PPP2R3A: variants seen among roughly 807,000 people sequenced by gnomAD.
The protein encoded by PPP2R3A is serine/threonine-protein phosphatase 2A regulatory subunit B'' subunit alpha.
In PPP2R3A, 80 loss-of-function variants were observed where a neutral mutation model predicts 106.9. The ratio of observed to expected loss-of-function variants is 0.75; its 90% CI spans 0.62 to 0.90. PPP2R3A has a LOEUF of 0.90. Among genes scored for constraint, PPP2R3A ranks in the 40% least tolerant of loss-of-function variants. The pLI is 0.00. For missense variants in PPP2R3A, 1,386 were observed against 1,350.4 expected (o/e 1.03, Z -0.41); for synonymous variants, 483 against 468.3 (o/e 1.03, Z -0.41).
chr3:136,043,414 G>A (rs1001086639), intron 4 of PPP2R3A, among the ~76,000 whole-genome samples: 8 of 152,164 alleles, frequency 5.3e-5, no homozygotes, highest in East Asian at 1.9e-4. Context: ...AGCCGAGATC[G>A]CGCCTCTGCA....
intron 1 of PPP2R3A, among the ~76,000 whole-genome samples, chr3:135,982,948 A>G (rs1006930972): frequency 6.6e-6 from 1 of 152,268 alleles, no homozygotes; most frequent in Admixed American, 6.5e-5. Flanking sequence ...TTTTACCTGC[A>G]TTTGTCTTAC....
chr3:136,141,541 A>G (rs368152663), intron 13 of PPP2R3A, among the ~76,000 whole-genome samples: 1 of 152,222 alleles, frequency 6.6e-6, no homozygotes, highest in African/African-American at 2.4e-5. Flanking sequence ...AGAAGTAGGG[A>G]GACAAATAAG....
At chr3:136,030,566 C>T (rs1934835407) in intron 3 of PPP2R3A, among the ~76,000 whole-genome samples, 1 of 151,808 alleles carries the variant, frequency 6.6e-6, no homozygotes, top group African/African-American at 2.4e-5. Context: ...CCCTTTACCC[C>T]TTAGTCCCCA....
chr3:136,004,716 A>G (rs1004236575), intron 2 of PPP2R3A, among the ~76,000 whole-genome samples: 2 of 152,168 alleles, frequency 1.3e-5, no homozygotes, highest in Non-Finnish European at 2.9e-5. Context: ...CACAAAATCC[A>G]ATGTTAATGG....
At chr3:136,079,405 AAT>A (rs1491199650) in intron 7 of PPP2R3A, 3 of 181,666 alleles carry the variant, frequency 1.7e-5, no homozygotes, top group Admixed American at 5.9e-5. Context: ...TATAATCCAT[AAT>A]TTTTTTTTTT....
chr3:136,013,871 C>T (rs1349241515), intron 2 of PPP2R3A, among the ~76,000 whole-genome samples: 1 of 151,994 alleles, frequency 6.6e-6, no homozygotes, highest in Non-Finnish European at 1.5e-5. Context: ...ATCTCTGTTT[C>T]TGTTGCATTT....
intron 5 of PPP2R3A, among the ~76,000 whole-genome samples, chr3:136,068,249 G>A (rs1355544512): frequency 6.6e-6 from 1 of 152,154 alleles, no homozygotes; most frequent in Non-Finnish European, 1.5e-5. Context: ...GAGCCAACCT[G>A]AAGGAGCTCC....
intron 9 of PPP2R3A, 58 bp downstream of exon 9, chr3:136,087,989 C>A (rs1936999604): frequency 7.0e-7 from 1 of 1,425,428 alleles, no homozygotes; most frequent in Non-Finnish European, 9.8e-7. Context: ...CCATAACCAT[C>A]TCATTTTAGC....
rs191508050 is a variant in PPP2R3A at position 136,048,744 on chromosome 3, A to G, written c.2367-515A>G. Among the ~76,000 whole-genome samples the G allele has an allele frequency of 5.9e-4, 90 of 152,324 alleles. 1 individual carries two copies. In the East Asian group the frequency reaches 0.016, roughly 27 times the overall value. ...TTTAATTTGGACAATGACGTGATCA[A>G]ATATGTTACTCAGAAATATCAAGCA... On this transcript the variant is annotated intron_variant, in intron 4 of 13. Coordinates refer to ENST00000264977, the MANE Select transcript of PPP2R3A (RefSeq NM_002718.5).
At chr3:136,004,099 C>T (rs1362117412) in intron 2 of PPP2R3A, among the ~76,000 whole-genome samples, 1 of 152,144 alleles carries the variant, frequency 6.6e-6, no homozygotes, top group Non-Finnish European at 1.5e-5. Context: ...AAGATAAAGA[C>T]TAAAGGGTAA....
intron 1 of PPP2R3A, among the ~76,000 whole-genome samples, chr3:135,999,961 C>T (rs986763758): frequency 3.3e-5 from 5 of 151,932 alleles, no homozygotes; most frequent in Non-Finnish European, 7.4e-5. Flanking sequence ...TCTGCTCCAC[C>T]CACTTTGGTC....
intron 12 of PPP2R3A, among the ~76,000 whole-genome samples, chr3:136,105,148 G>C (rs1937483234): frequency 6.6e-6 from 1 of 152,176 alleles, no homozygotes; most frequent in Non-Finnish European, 1.5e-5. Context: ...CTGTTTCCAG[G>C]AAGCTATCAC....
At position 136,063,127 on chromosome 3, in the gene PPP2R3A, A is replaced by G. The variant is rs556491733; in HGVS notation, c.2470-7351A>G. Among the ~76,000 whole-genome samples the G allele has an allele frequency of 5.3e-5, 8 of 152,304 alleles. No individual in the cohort carries two copies. The East Asian group carries it at 1.3e-3, about 26-fold the overall frequency. ...TCAGAAATAATGCCGCATATCTACA[A>G]CCATCTGATCTTTGACAAACTTGAC... On this transcript the variant is annotated intron_variant, in intron 5 of 13. Coordinates refer to ENST00000264977, the MANE Select transcript of PPP2R3A (RefSeq NM_002718.5).
intron 4 of PPP2R3A, among the ~76,000 whole-genome samples, chr3:136,046,154 G>T (rs771770501): frequency 3.2e-4 from 49 of 151,702 alleles, no homozygotes; most frequent in African/African-American, 9.2e-4. Context: ...TCCAGCCTTG[G>T]TGACAGAGCC....
intron 3 of PPP2R3A, among the ~76,000 whole-genome samples, chr3:136,029,081 G>A (rs545746520): frequency 2.1e-4 from 32 of 152,156 alleles, no homozygotes; most frequent in African/African-American, 6.5e-4. Flanking sequence ...TCAAACTCCC[G>A]ACCTCAGGTT....
chr3:136,098,077 G>C (rs923810091), intron 10 of PPP2R3A, among the ~76,000 whole-genome samples: 1 of 152,170 alleles, frequency 6.6e-6, no homozygotes, highest in Non-Finnish European at 1.5e-5. Context: ...CATCAAGTTG[G>C]TACAATTTTT....
chr3:136,001,124 T>G lies in PPP2R3A; in HGVS notation c.-375T>G, dbSNP rs1442034362. 2.5e-6 allele frequency: 1 copy of G among 401,794 alleles called. No homozygotes were observed. The highest frequency in any genetic ancestry group is 4.4e-6 in the Non-Finnish European group (1 of 228,258). 24.9% of individuals were successfully genotyped at this position (401,794 alleles called of 1,614,324 possible). On this transcript the variant is annotated 5_prime_UTR_variant, in exon 2 of 14. Transcript: ENST00000264977. ...TTGGAGGACTCAGTTATCACAATAC[T>G]TCTCTACTACCAACTAAGATTTATG...
chr3:136,135,228 A>AC (rs1938563570), intron 13 of PPP2R3A, among the ~76,000 whole-genome samples: 1 of 151,958 alleles, frequency 6.6e-6, no homozygotes, highest in Admixed American at 6.6e-5. Flanking sequence ...CTTGCTGGAT[A>AC]CCCCACTTCT....
At chr3:135,966,121 C>T (rs1233651575) in intron 1 of PPP2R3A, among the ~76,000 whole-genome samples, 2 of 152,044 alleles carry the variant, frequency 1.3e-5, no homozygotes, top group Non-Finnish European at 2.9e-5. Context: ...AATTGCCTGC[C>T]CCAGGGGCGC....
Sources: gnomAD v4.1 joint callset for allele counts (sites outside exome capture counted in the v4.1 genomes callset) on GRCh38, gnomAD v4.1.1 for gene constraint, MANE v1.5 for transcripts, NCBI Gene and HGNC (gene_info 2026-07-23, HGNC 2026-07-21) for gene names.